KCNAB1: variants seen among roughly 807,000 people sequenced by gnomAD.
KCNAB1 encodes the protein potassium voltage-gated channel subfamily A regulatory beta subunit 1, also known as voltage-gated potassium channel subunit beta-1.
KCNAB1 carries 35 observed loss-of-function variants against 64.6 expected under a neutral mutation model. That is an observed-to-expected ratio of 0.54 (90% confidence interval 0.41 to 0.72). The LOEUF is 0.72. Among genes scored for constraint, KCNAB1 ranks in the 30% least tolerant of loss-of-function variants. The pLI, the probability that KCNAB1 is intolerant of heterozygous loss-of-function variation, is 0.00. For missense variants in KCNAB1, 401 were observed against 512.9 expected (o/e 0.78, Z 2.11); for synonymous variants, 177 against 183.8 (o/e 0.96, Z 0.30).
chr3:156,181,573 G>C (rs1317977760), intron 1 of KCNAB1, among the ~76,000 whole-genome samples: 1 of 152,138 alleles, frequency 6.6e-6, no homozygotes, highest in African/African-American at 2.4e-5. Flanking sequence ...GGCTTATCTG[G>C]GAGTCCAGTC....
intron 11 of KCNAB1, among the ~76,000 whole-genome samples, chr3:156,517,519 C>T (rs1717639614): frequency 6.6e-6 from 1 of 152,002 alleles, no homozygotes; most frequent in Non-Finnish European, 1.5e-5. Context: ...TCAGCAAAGA[C>T]AGACTAAAAG....
At chr3:156,433,439 T>C (rs1046815543) in intron 2 of KCNAB1, among the ~76,000 whole-genome samples, 2 of 152,156 alleles carry the variant, frequency 1.3e-5, no homozygotes, top group African/African-American at 4.8e-5. Context: ...CATGGAAACA[T>C]GTACAAGGGC....
In KCNAB1 at chr3:156,537,721, C is replaced by T. The variant is rs1719152303; in HGVS notation, c.*974C>T. 1 of 105,314 alleles carries T rather than the reference C, an allele frequency of 9.5e-6. No individual in the cohort carries two copies. Among genetic ancestry groups the T allele is most frequent in the South Asian group, 3.0e-4 (1 of 3,388 alleles). 6.5% of individuals were successfully genotyped at this position (105,314 alleles called of 1,614,324 possible). Reference sequence around the variant, plus strand: ...TTTGAGCTTTACAAATAAACATACACATGCTCAGTTTTTTAAGTAAACCTG... The same window carrying T: ...TTTGAGCTTTACAAATAAACATACATATGCTCAGTTTTTTAAGTAAACCTG... On this transcript the variant is annotated 3_prime_UTR_variant, in exon 14 of 14. Coordinates refer to ENST00000490337, the MANE Select transcript of KCNAB1 (RefSeq NM_172160.3).
chr3:156,482,617 A>AAAGGTAT (rs1714910236), intron 8 of KCNAB1, among the ~76,000 whole-genome samples: 3 of 152,126 alleles, frequency 2.0e-5, no homozygotes, highest in African/African-American at 7.2e-5. Flanking sequence ...ATTAAGAGTC[A>AAAGGTAT]GACCTCAATT....
chr3:156,264,013 C>T (rs57481886), intron 1 of KCNAB1, among the ~76,000 whole-genome samples: 7,846 of 152,052 alleles, frequency 0.052, 223 homozygotes, highest in East Asian at 0.1. Flanking sequence ...GCATTAAAAT[C>T]GCCAAGAAGA....
At position 156,395,545 on chromosome 3, in the gene KCNAB1, A is replaced by AAAAG. The variant is rs1491512692; in HGVS notation, c.276-26068_276-26067insGAAA. Among the ~76,000 whole-genome samples, 37 of 50,780 alleles carry AAAAG rather than the reference A, an allele frequency of 7.3e-4. 2 individuals are homozygous for AAAAG. The East Asian group carries it at 7.6e-3, about 10-fold the overall frequency. 33.3% of individuals were successfully genotyped at this position (50,780 alleles called of 152,430 possible). ...GGGCGACAGAGCGAGACTCCGTCTCAAAAAAAAAAAAAAAAAAAAAAAAAA... is the reference window on the plus strand; with the variant it reads ...GGGCGACAGAGCGAGACTCCGTCTCAAAAGAAAAAAAAAAAAAAAAAAAAAAAAA... On this transcript the variant is annotated intron_variant, in intron 1 of 13. Transcript: ENST00000490337.
intron 2 of KCNAB1, among the ~76,000 whole-genome samples, chr3:156,433,242 C>A (rs1018179556): frequency 2.0e-5 from 3 of 152,180 alleles, no homozygotes; most frequent in Admixed American, 2.0e-4. Flanking sequence ...CTAAAGGACA[C>A]CCTGCATTTT....
chr3:156,218,197 C>T (rs553658773), intron 1 of KCNAB1, among the ~76,000 whole-genome samples: 133 of 152,230 alleles, frequency 8.7e-4, no homozygotes, highest in African/African-American at 2.9e-3. Flanking sequence ...TGTGTGAGAG[C>T]GGGGTGAGGC....
intron 1 of KCNAB1, among the ~76,000 whole-genome samples, chr3:156,283,867 C>T (rs1256258808): frequency 2.0e-5 from 3 of 151,908 alleles, no homozygotes; most frequent in African/African-American, 7.3e-5. Flanking sequence ...ATACATTCTT[C>T]TAAATTTTTT....
chr3:156,210,639 C>A (rs1475179403), intron 1 of KCNAB1, among the ~76,000 whole-genome samples: 1 of 152,194 alleles, frequency 6.6e-6, no homozygotes, highest in African/African-American at 2.4e-5. Flanking sequence ...CATCACCAAA[C>A]CGGGTCCAGA....
intron 1 of KCNAB1, chr3:156,176,526 A>G (rs1437733821): frequency 1.2e-6 from 1 of 802,074 alleles, no homozygotes; most frequent in Non-Finnish European, 2.3e-6. Flanking sequence ...TTATCTGTGG[A>G]TGCTGGGAAG....
At chr3:156,399,344 G>A (rs1053304806) in intron 1 of KCNAB1, among the ~76,000 whole-genome samples, 1 of 152,170 alleles carries the variant, frequency 6.6e-6, no homozygotes, top group Non-Finnish European at 1.5e-5. Flanking sequence ...TGGTAGTGTC[G>A]TAAAGAGGTG....
chr3:156,134,579 A>G (rs1481238112), intron 1 of KCNAB1, among the ~76,000 whole-genome samples: 2 of 152,216 alleles, frequency 1.3e-5, no homozygotes, highest in Non-Finnish European at 2.9e-5. Context: ...GGTGATCTCT[A>G]CAAATTCAGT....
At chr3:156,281,105 C>T (rs2108503853) in intron 1 of KCNAB1, among the ~76,000 whole-genome samples, 1 of 150,696 alleles carries the variant, frequency 6.6e-6, no homozygotes, top group East Asian at 2.0e-4. Context: ...GTGGGTTTGT[C>T]ATAGATAGCT....
intron 1 of KCNAB1, among the ~76,000 whole-genome samples, chr3:156,340,567 C>T (rs961384891): frequency 8.5e-5 from 13 of 152,220 alleles, no homozygotes; most frequent in African/African-American, 3.1e-4. Context: ...CCCATCCTTC[C>T]TAACCCATCT....
At chr3:156,279,446 T>C (rs1038003686) in intron 1 of KCNAB1, among the ~76,000 whole-genome samples, 1 of 152,222 alleles carries the variant, frequency 6.6e-6, no homozygotes, top group Non-Finnish European at 1.5e-5. Context: ...TGTGTCTTTA[T>C]AGCAGCATGG....
intron 1 of KCNAB1, among the ~76,000 whole-genome samples, chr3:156,264,919 T>A (rs1718613213): frequency 2.0e-5 from 3 of 152,340 alleles, no homozygotes; most frequent in Middle Eastern, 3.4e-3. Context: ...CTTAGCTTAT[T>A]TGGTTCCCCA....
At chr3:156,516,462 G>C in intron 11 of KCNAB1, 98 bp downstream of exon 11, 2 of 883,496 alleles carry the variant, frequency 2.3e-6, no homozygotes, top group South Asian at 2.8e-5. Flanking sequence ...TCCCAGCTCA[G>C]GCTGACTGTG....
intron 1 of KCNAB1, among the ~76,000 whole-genome samples, chr3:156,224,012 TTGG>T (rs1715976960): frequency 6.6e-6 from 1 of 152,158 alleles, no homozygotes; most frequent in Non-Finnish European, 1.5e-5. Flanking sequence ...CTGCAGTTGG[TTGG>T]GGGGGATGTG....
Sources: allele counts gnomAD v4.1 joint callset (sites outside exome capture counted in the v4.1 genomes callset), GRCh38; gene constraint gnomAD v4.1.1; transcripts MANE v1.5; gene names NCBI Gene and HGNC (gene_info 2026-07-23, HGNC 2026-07-21).